NARS2: variants seen among roughly 807,000 people sequenced by gnomAD.
The protein encoded by NARS2 is asparaginyl-tRNA synthetase.
In NARS2, 60 loss-of-function variants were observed where a neutral mutation model predicts 62.9. The observed-to-expected ratio is 0.95, with a 90% confidence interval of 0.77 to 1.18. NARS2 has a LOEUF of 1.18. Among genes scored for constraint, NARS2 ranks in the 50% most tolerant of loss-of-function variants. NARS2 has a pLI of 0.00. For missense variants in NARS2, 619 were observed against 576.4 expected (o/e 1.07, Z -0.76); for synonymous variants, 196 against 200.0 (o/e 0.98, Z 0.17).
intron 5 of NARS2, among the ~76,000 whole-genome samples, chr11:78,540,479 T>C (rs1037413254): frequency 1.3e-5 from 1 of 78,988 alleles, no homozygotes; most frequent in Non-Finnish European, 4.4e-5. Context: ...TAATCAACAA[T>C]GGAAAACTTA....
At chr11:78,574,054 T>TAAGG (rs955973380) in intron 1 of NARS2, among the ~76,000 whole-genome samples, 66 of 152,294 alleles carry the variant, frequency 4.3e-4, no homozygotes, top group African/African-American at 1.6e-3. Context: ...ATATTCATTA[T>TAAGG]AAGGGATAAA....
chr11:78,460,264 T>A (rs891622110), intron 11 of NARS2, among the ~76,000 whole-genome samples: 1 of 141,550 alleles, frequency 7.1e-6, no homozygotes, highest in African/African-American at 2.8e-5. Context: ...ACAACATGAT[T>A]GGGTTAATTT....
chr11:78,488,234 T>TA (rs34959536), intron 7 of NARS2, among the ~76,000 whole-genome samples: 10,019 of 128,784 alleles, frequency 0.078, 392 homozygotes, highest in Non-Finnish European at 0.096. Context: ...GCCTACCTGG[T>TA]AAAAAAAAAA....
rs375558652 is a variant in NARS2, at chr11:78,548,351, TAAAAACGTTTAAAAGAAAATAGGTAAGAG to T, written c.594+11159_594+11187del. ...GACCTGGGTTAGCCCACATACCATC[TAAAAACGTTTAAAAGAAAATAGGTAAGAG>T]TAATCAAAAAGTGAAACCATCTAGC... On this transcript the variant is annotated intron_variant, in intron 5 of 13. Coordinates refer to ENST00000281038, the MANE Select transcript of NARS2 (RefSeq NM_024678.6). Among the ~76,000 whole-genome samples, 740 of 152,298 alleles carry T rather than the reference TAAAAACGTTTAAAAGAAAATAGGTAAGAG, an allele frequency of 4.9e-3. 4 individuals carry two copies. The highest frequency in any genetic ancestry group is 0.017 in the African/African-American group (717 of 41,568).
At chr11:78,490,619 C>T (rs1264390788) in intron 7 of NARS2, among the ~76,000 whole-genome samples, 2 of 151,976 alleles carry the variant, frequency 1.3e-5, no homozygotes, top group Non-Finnish European at 2.9e-5. Context: ...GAGTTGAAGA[C>T]CAACCTGGGC....
At chr11:78,513,390 A>G (rs190453818) in intron 6 of NARS2, among the ~76,000 whole-genome samples, 190 of 148,216 alleles carry the variant, frequency 1.3e-3, no homozygotes, top group African/African-American at 4.6e-3. Flanking sequence ...CTTCACTTGC[A>G]CACCTGCCCA....
At chr11:78,564,681 A>C (rs1856682504) in intron 4 of NARS2, among the ~76,000 whole-genome samples, 1 of 152,236 alleles carries the variant, frequency 6.6e-6, no homozygotes, top group Non-Finnish European at 1.5e-5. Context: ...GTTAAAAAAC[A>C]AAAAGGTATT....
chr11:78,444,194 T>C (rs1857671256), intron 11 of NARS2: 1 of 154,936 alleles, frequency 6.5e-6, no homozygotes, highest in South Asian at 2.0e-4. Context: ...CATTATGTTT[T>C]AATAGCTTTA....
At chr11:78,460,552 G>A (rs547950025) in intron 11 of NARS2, among the ~76,000 whole-genome samples, 9 of 152,272 alleles carry the variant, frequency 5.9e-5, no homozygotes, top group Non-Finnish European at 1.2e-4. Context: ...GAAGAGAAAT[G>A]AATGGATGTG....
At chr11:78,541,333 C>CT (rs748977121) in intron 5 of NARS2, among the ~76,000 whole-genome samples, 4,778 of 141,694 alleles carry the variant, frequency 0.034, 189 homozygotes, top group African/African-American at 0.099. Context: ...AGTCATGTCA[C>CT]TTTTTTTTTT....
At chr11:78,538,834 A>C (rs1256862347) in intron 5 of NARS2, among the ~76,000 whole-genome samples, 3 of 151,076 alleles carry the variant, frequency 2.0e-5, no homozygotes, top group African/African-American at 7.3e-5. Context: ...TCTCTACTAA[A>C]AATACAAAAA....
chr11:78,523,860 T>C (rs1269756936), intron 6 of NARS2, among the ~76,000 whole-genome samples: 3 of 152,098 alleles, frequency 2.0e-5, no homozygotes, highest in Non-Finnish European at 4.4e-5. Context: ...ATTTGTCTTT[T>C]GGGAGTGATA....
Position 78,459,364 on chromosome 11 carries a change from G to A in NARS2, c.1164+6512C>T, listed in dbSNP as rs562540905. ...CGGCTCACTGCAACCTCTGCCTCTC[G>A]GGTTCAAGCGATTCTCCTGCCTAAG... On this transcript the variant is annotated intron_variant, in intron 11 of 13. Coordinates refer to ENST00000281038, the MANE Select transcript of NARS2 (RefSeq NM_024678.6). Among the ~76,000 whole-genome samples, 28 of 150,902 alleles carry A rather than the reference G, an allele frequency of 1.9e-4. No homozygotes were observed. In the East Asian group the frequency reaches 2.3e-3, roughly 12 times the overall value.
rs140552045 is a variant in NARS2, at chr11:78,552,028, T to C, written c.594+7511A>G. On this transcript the variant is annotated intron_variant, in intron 5 of 13. Coordinates refer to ENST00000281038, the MANE Select transcript of NARS2 (RefSeq NM_024678.6). The stretch of plus-strand genomic sequence containing the variant: ...TCATTTTATATTTTAGGTTTGGGGA[T>C]ACATGTGAAGGTCTGTTACATAAAC... 9.8e-4 allele frequency among the ~76,000 whole-genome samples: 150 copies of C among 152,332 alleles called. 2 individuals carry two copies. In the East Asian group the frequency reaches 0.017, roughly 17 times the overall value.
chr11:78,477,264 C>A (rs965198817), intron 9 of NARS2, among the ~76,000 whole-genome samples: 2 of 152,082 alleles, frequency 1.3e-5, no homozygotes, highest in Non-Finnish European at 1.5e-5. Context: ...AACTCCAGAC[C>A]CACACTTTCA....
chr11:78,464,807 T>C (rs981807001), intron 11 of NARS2, among the ~76,000 whole-genome samples: 1 of 152,124 alleles, frequency 6.6e-6, no homozygotes, highest in Non-Finnish European at 1.5e-5. Flanking sequence ...TTTACAAACC[T>C]TGAGCTAGAT....
At chr11:78,501,428 G>A (rs1057295339) in intron 6 of NARS2, among the ~76,000 whole-genome samples, 1 of 152,220 alleles carries the variant, frequency 6.6e-6, no homozygotes, top group African/African-American at 2.4e-5. Context: ...CTGAGAGGAT[G>A]TGAAGCCCCA....
At chr11:78,507,487 T>C (rs1160576441) in intron 6 of NARS2, among the ~76,000 whole-genome samples, 2 of 151,628 alleles carry the variant, frequency 1.3e-5, no homozygotes, top group Admixed American at 1.3e-4. Context: ...TCTCACATGA[T>C]TAGATACAGA....
intron 11 of NARS2, among the ~76,000 whole-genome samples, chr11:78,458,270 A>T (rs182909693): frequency 6.6e-6 from 1 of 152,322 alleles, no homozygotes; most frequent in African/African-American, 2.4e-5. Flanking sequence ...TAAACATGAA[A>T]GGGGAAAAAT....
Sources: allele counts gnomAD v4.1 joint callset (sites outside exome capture counted in the v4.1 genomes callset), GRCh38; gene constraint gnomAD v4.1.1; transcripts MANE v1.5; gene names NCBI Gene and HGNC (gene_info 2026-07-23, HGNC 2026-07-21).